Variants in PLG observed in about 807,000 individuals in gnomAD.
PLG encodes the protein plasmin.
PLG carries 41 observed loss-of-function variants against 104.4 expected under a neutral mutation model. That is an observed-to-expected ratio of 0.39 (90% CI 0.31 to 0.51). PLG has a LOEUF of 0.51. Ranked by LOEUF, PLG falls within the 20% of genes least tolerant of loss-of-function variation. PLG has a pLI of 0.76. For synonymous variants in PLG, 337 were observed against 357.1 expected, an observed-to-expected ratio of 0.94 and a Z score of 0.63; for missense variants, 891 against 1,003.6, an observed-to-expected ratio of 0.89 and a Z score of 1.52.
chr6:160,732,383 GT>G lies in PLG; in HGVS notation c.1587+492del, dbSNP rs1350006143. Among the ~76,000 whole-genome samples, 1 of 152,134 alleles carries G rather than the reference GT, an allele frequency of 6.6e-6. No individual in the cohort carries two copies. The highest frequency in any genetic ancestry group is 2.4e-5 in the African/African-American group (1 of 41,414). On this transcript the variant is annotated intron_variant, in intron 12 of 18. Transcript: ENST00000308192. The surrounding 1 kb of genome is among the most constrained non-coding windows in gnomAD (Gnocchi z 4.5). ...ATATAGGAAAAACCAAAGTGTCTGTGTTCCCCCACTCTCACACCCATGCAGC... is the reference window on the plus strand; with the variant it reads ...ATATAGGAAAAACCAAAGTGTCTGTGTCCCCCACTCTCACACCCATGCAGC...
At chr6:160,720,812 T>C (rs1777817431) in intron 9 of PLG, among the ~76,000 whole-genome samples, 1 of 152,230 alleles carries the variant, frequency 6.6e-6, no homozygotes, top group Non-Finnish European at 1.5e-5. Context: ...ATTTTCCTTT[T>C]GGGACTCTAA....
chr6:160,715,560 A>G (rs1777714016), intron 6 of PLG, among the ~76,000 whole-genome samples: 1 of 152,196 alleles, frequency 6.6e-6, no homozygotes, highest in South Asian at 2.1e-4. Context: ...TGAGTATTCT[A>G]TTTCACATTA....
intron 3 of PLG, chr6:160,708,509 G>A (rs1304455504): frequency 6.6e-6 from 1 of 152,288 alleles, no homozygotes; most frequent in African/African-American, 2.4e-5. Flanking sequence ...CATCAAGTAT[G>A]CTCCCATTAA....
At chr6:160,743,089 T>A (rs1283007072) in intron 17 of PLG, among the ~76,000 whole-genome samples, 2 of 151,846 alleles carry the variant, frequency 1.3e-5, no homozygotes, top group African/African-American at 4.8e-5. Context: ...AGCCAGGTAA[T>A]GTGATGTCTC....
chr6:160,748,412 G>GAAAGAAAGAAAGAAAGAAAGAAAGAA (rs1778328804), intron 17 of PLG, among the ~76,000 whole-genome samples: 1 of 46,348 alleles, frequency 2.2e-5, no homozygotes. Context: ...AAGAAAGAAA[G>GAAAGAAAGAAAGAAAGAAAGAAAGAA]AAAGGGAAAG....
rs1454919903 is a variant in PLG, at chr6:160,737,819, A to G, written c.1803-719A>G. Among the ~76,000 whole-genome samples, 1 of 149,430 alleles carries G rather than the reference A, an allele frequency of 6.7e-6. No individual in the cohort carries two copies. The highest frequency in any genetic ancestry group is 1.5e-5 in the Non-Finnish European group (1 of 67,972). On this transcript the variant is annotated intron_variant, in intron 14 of 18. Transcript: ENST00000308192. This position sits in a 1 kb window ranked among gnomAD's most constrained non-coding sequence, Gnocchi z 4.7. ...TCTGCTGTTGAGTCGATTTTTCTTT[A>G]TTTTATCATTTAGTAACTCCTTGCT...
rs770398061 is a variant in PLG, at chr6:160,738,658, T to C, written c.1877+46T>C. The C allele has an allele frequency of 2.0e-5, 24 of 1,228,396 alleles. No individual in the cohort carries two copies. Among genetic ancestry groups the C allele is most frequent in the Non-Finnish European group, 2.8e-5 (23 of 827,912 alleles). 76.1% of individuals were successfully genotyped at this position (1,228,396 alleles called of 1,614,324 possible). A position where few individuals can be genotyped will look rare whatever the true frequency, so the allele number is the denominator to read the frequency against. The stretch of plus-strand genomic sequence containing the variant: ...ACATGAAGTCTTGTCTTAAATACTT[T>C]TTCTGTCCTTCTTTTCCTCCTTTCC... On this transcript the variant is annotated intron_variant, in intron 15 of 18. Transcript: ENST00000308192. This position sits in a 1 kb window ranked among gnomAD's most constrained non-coding sequence, Gnocchi z 6.8.
At chr6:160,708,108 G>C (rs1395899460) in intron 3 of PLG, 1 of 280,846 alleles carries the variant, frequency 3.6e-6, no homozygotes, top group African/African-American at 2.2e-5. Context: ...ATTTAACAAG[G>C]AGATGGGAAG....
intron 7 of PLG, among the ~76,000 whole-genome samples, chr6:160,717,608 C>T (rs755022882): frequency 6.6e-6 from 1 of 151,950 alleles, no homozygotes; most frequent in Non-Finnish European, 1.5e-5. Context: ...ATGTTGGGTG[C>T]CATTCAGTCA....
At chr6:160,713,455 G>A in intron 5 of PLG, 1 of 334,376 alleles carries the variant, frequency 3.0e-6, no homozygotes, top group Non-Finnish European at 5.8e-6. Context: ...TTTTAGTAGA[G>A]ACAGGGTTTC....
In PLG at chr6:160,731,615, A is replaced by G; in HGVS notation, c.1439-130A>G. ...GTAGGCAGCGTTCATTGCAGTCTTC[A>G]GCATTGCAGTTTCTGAGGAATGTGG... On this transcript the variant is annotated intron_variant, in intron 11 of 18. Transcript: ENST00000308192. This position sits in a 1 kb window ranked among gnomAD's most constrained non-coding sequence, Gnocchi z 5.1. The G allele has an allele frequency of 1.1e-6, 1 of 872,514 alleles. No homozygotes were observed. Among genetic ancestry groups the G allele is most frequent in the Non-Finnish European group, 1.9e-6 (1 of 518,082 alleles). 54.0% of individuals were successfully genotyped at this position (872,514 alleles called of 1,614,324 possible). A position where few individuals can be genotyped will look rare whatever the true frequency, so the allele number is the denominator to read the frequency against.
chr6:160,721,196 G>A (rs148883458), intron 9 of PLG, among the ~76,000 whole-genome samples: 16 of 152,210 alleles, frequency 1.1e-4, no homozygotes, highest in East Asian at 1.9e-4. Context: ...TCCAGATGGC[G>A]TCTTCTCTAA....
chr6:160,711,975 T>C, intron 4 of PLG: 4 of 1,197,148 alleles, frequency 3.3e-6, no homozygotes, highest in East Asian at 9.1e-5. Flanking sequence ...TTCTCAGTAA[T>C]GACGCTTATC....
rs1331475547 is a variant in PLG, at chr6:160,748,374, A to AAGAGAGAGAG, written c.2126-3738_2126-3737insGAGAGAGAGA. Among the ~76,000 whole-genome samples the AAGAGAGAGAG allele has an allele frequency of 2.2e-3, 119 of 55,324 alleles. 7 individuals are homozygous for AAGAGAGAGAG. The highest frequency in any genetic ancestry group is 9.6e-3 in the East Asian group (10 of 1,044). 36.3% of individuals were successfully genotyped at this position (55,324 alleles called of 152,430 possible). A position where few individuals can be genotyped will look rare whatever the true frequency, so the allele number is the denominator to read the frequency against. ...AGAGAAAGAAAGAAAGAAAGAAAGA[A>AAGAGAGAGAG]AGAAAGAAAGAAAGAAAGAAAGAAA... On this transcript the variant is annotated intron_variant, in intron 17 of 18. Transcript: ENST00000308192.
intron 17 of PLG, among the ~76,000 whole-genome samples, chr6:160,743,983 C>G (rs1778237382): frequency 6.6e-6 from 1 of 152,124 alleles, no homozygotes; most frequent in South Asian, 2.1e-4. Context: ...GTATGTTGAA[C>G]CAAGCTTACA....
rs1393826618 is a variant in PLG at position 160,738,616 on chromosome 6, T to C, written c.1877+4T>C. 1.9e-6 allele frequency: 3 copies of C among 1,574,076 alleles called. No individual in the cohort carries two copies. Among genetic ancestry groups the C allele is most frequent in the Admixed American group, 3.3e-5 (2 of 59,966 alleles). On this transcript the variant is annotated splice_donor_region_variant and intron_variant, in intron 15 of 18. Transcript: ENST00000308192. This position sits in a 1 kb window ranked among gnomAD's most constrained non-coding sequence, Gnocchi z 6.8. ...CTGCTGCCCACTGCTTGGAGAAGTA[T>C]GTTTAGGGGACAATTGACATGAAGT...
At chr6:160,705,351 C>G (rs1431738787) in intron 1 of PLG, 2 of 150,878 alleles carry the variant, frequency 1.3e-5, no homozygotes, top group Non-Finnish European at 3.0e-5. Flanking sequence ...TCTGCCACGA[C>G]CAGGCAGAAA....
At chr6:160,715,923 C>T (rs577286950) in intron 6 of PLG, among the ~76,000 whole-genome samples, 2 of 152,216 alleles carry the variant, frequency 1.3e-5, no homozygotes, top group South Asian at 2.1e-4. Flanking sequence ...AATGAATAAA[C>T]GCAGAGGGCC....
Position 160,738,681 on chromosome 6 carries a change from T to C in PLG, c.1877+69T>C. 1 of 1,038,618 alleles carries C rather than the reference T, an allele frequency of 9.6e-7. No individual in the cohort carries two copies. The highest frequency in any genetic ancestry group is 1.5e-6 in the Non-Finnish European group (1 of 655,690). 64.3% of individuals were successfully genotyped at this position (1,038,618 alleles called of 1,614,324 possible). A position where few individuals can be genotyped will look rare whatever the true frequency, so the allele number is the denominator to read the frequency against. ...TTTTTCTGTCCTTCTTTTCCTCCTT[T>C]CCTCCTTTCCTTTCTCACTCTTCCT... On this transcript the variant is annotated intron_variant, in intron 15 of 18. Coordinates refer to ENST00000308192, the MANE Select transcript of PLG (RefSeq NM_000301.5). The surrounding 1 kb of genome is among the most constrained non-coding windows in gnomAD (Gnocchi z 6.8).
Sources: allele counts gnomAD v4.1 joint callset (sites outside exome capture counted in the v4.1 genomes callset), GRCh38; gene constraint gnomAD v4.1.1; non-coding constraint Gnocchi (gnomAD v3.1); transcripts MANE v1.5; gene names NCBI Gene and HGNC (gene_info 2026-07-23, HGNC 2026-07-21).